The following CWF19L1 variants were observed in gnomAD, a reference collection of about 807,000 sequenced individuals.
CWF19L1 encodes the protein CWF19 like cell cycle control factor 1, also known as CWF19-like protein 1.
Under a neutral mutation model 69.7 loss-of-function variants are expected in CWF19L1, and 60 were observed. The observed-to-expected ratio is 0.86, with a 90% confidence interval of 0.70 to 1.07. The LOEUF (loss-of-function observed/expected upper bound fraction) is 1.07. Among genes scored for constraint, CWF19L1 ranks in the 50% least tolerant of loss-of-function variants. CWF19L1 has a pLI of 0.00. For synonymous variants in CWF19L1, 209 were observed against 222.2 expected (o/e 0.94, Z 0.53); for missense variants, 591 against 638.9 (o/e 0.92, Z 0.81).
intron 11 of CWF19L1, 112 bp from the exon 12 acceptor site, chr10:100,237,081 G>T: frequency 3.1e-6 from 4 of 1,280,822 alleles, no homozygotes; most frequent in Non-Finnish European, 4.4e-6. Context: ...ACACCCCTCA[G>T]CACAGAATAT....
At chr10:100,239,727 AT>A (rs1159187839) in intron 10 of CWF19L1, among the ~76,000 whole-genome samples, 2 of 152,214 alleles carry the variant, frequency 1.3e-5, no homozygotes, top group African/African-American at 4.8e-5. Flanking sequence ...CTCATCTATA[AT>A]AAGAAAGTCC....
chr10:100,267,124 A>ACCCC, intron 1 of CWF19L1, among the ~76,000 whole-genome samples: 1 of 67,224 alleles, frequency 1.5e-5, no homozygotes, highest in South Asian at 5.3e-4. Context: ...TCTCTTCACC[A>ACCCC]CCACCCCCAC....
Position 100,250,326 on chromosome 10 carries a change from A to G in CWF19L1, c.630T>C (p.His210=). ...GCTGTGCATTTTCCTGTAGAATGAT[A>G]TGGTTTCTACAACATATTTGAGAGA... The part of the protein sequence containing the change: ...TYYERLPYRN[H]IILQENAQHA... Residue 210 remains histidine (H), a synonymous_variant, in exon 7 of 14, where the codon CAT becomes CAC. Transcript: ENST00000354105. The G allele has an allele frequency of 6.2e-7, 1 of 1,603,528 alleles. No homozygotes were observed. Among genetic ancestry groups the G allele is most frequent in the Non-Finnish European group, 8.5e-7 (1 of 1,170,754 alleles).
chr10:100,254,371 C>G (rs1433555894), intron 5 of CWF19L1: 3 of 152,166 alleles, frequency 2.0e-5, no homozygotes, highest in Non-Finnish European at 2.9e-5. Context: ...AAGGGCATAA[C>G]CACACCCTTC....
At chr10:100,248,994 C>A in intron 7 of CWF19L1, 1 of 664,230 alleles carries the variant, frequency 1.5e-6, no homozygotes. Context: ...CTGTGGAGGA[C>A]ATCACATTCC....
intron 6 of CWF19L1, among the ~76,000 whole-genome samples, chr10:100,252,538 A>T (rs994558896): frequency 2.6e-5 from 4 of 152,128 alleles, no homozygotes; most frequent in African/African-American, 9.7e-5. Flanking sequence ...AAAAAATAAA[A>T]AAAAATATTT....
intron 4 of CWF19L1, among the ~76,000 whole-genome samples, chr10:100,257,885 T>A (rs910956293): frequency 1.3e-5 from 2 of 152,092 alleles, no homozygotes; most frequent in African/African-American, 4.8e-5. Context: ...CTCAGCTCTA[T>A]TTTTCATCAT....
chr10:100,235,538 C>A, intron 13 of CWF19L1, 129 bp downstream of exon 13: 3 of 624,548 alleles, frequency 4.8e-6, no homozygotes, highest in Non-Finnish European at 5.7e-6. Context: ...TAAACATCTG[C>A]CCTAAGACCA....
At chr10:100,249,966 T>C (rs945759092) in intron 7 of CWF19L1, 3 of 405,164 alleles carry the variant, frequency 7.4e-6, no homozygotes, top group Non-Finnish European at 4.5e-6. Flanking sequence ...CAAATACCCA[T>C]AGAGACAACC....
At chr10:100,249,068 C>T (rs1846931888) in intron 7 of CWF19L1, 3 of 529,684 alleles carry the variant, frequency 5.7e-6, no homozygotes, top group South Asian at 3.8e-5. Context: ...CTCCAGCTGC[C>T]CCTGAGGGGC....
chr10:100,266,835 TTTTG>T (rs1175546346), intron 1 of CWF19L1, among the ~76,000 whole-genome samples: 72 of 138,690 alleles, frequency 5.2e-4, no homozygotes, highest in Non-Finnish European at 8.9e-4. Flanking sequence ...TTGTATTGTT[TTTTG>T]TTTGTTTTGT....
At chr10:100,250,442 A>T in intron 6 of CWF19L1, 110 bp from the exon 7 acceptor site, 2 of 704,280 alleles carry the variant, frequency 2.8e-6, no homozygotes, top group South Asian at 1.6e-5. Flanking sequence ...TCCTCAGTTC[A>T]TCATCGCCAG....
intron 1 of CWF19L1, among the ~76,000 whole-genome samples, chr10:100,264,043 T>A (rs1847489773): frequency 6.6e-6 from 1 of 152,186 alleles, no homozygotes; most frequent in South Asian, 2.1e-4. Context: ...TCCCATAAGA[T>A]TATAATGGAA....
chr10:100,260,152 A>G lies in CWF19L1; in HGVS notation c.289+66T>C, dbSNP rs1847349336. 13 of 1,039,872 alleles carry G rather than the reference A, an allele frequency of 1.3e-5. No homozygotes were observed. The South Asian group carries it at 1.8e-4, about 14-fold the overall frequency. The allele number at this position is 1,039,872 out of a possible 1,614,324, so 64.4% of individuals were successfully genotyped here. On this transcript the variant is annotated intron_variant, in intron 4 of 13. Transcript: ENST00000354105. ...CACTGCACTCCAGCCTGGGTGACAG[A>G]GCAAGACTCCGTCTCAAAAACAAAA...
chr10:100,247,992 T>C (rs1846886675), intron 7 of CWF19L1, among the ~76,000 whole-genome samples: 1 of 151,596 alleles, frequency 6.6e-6, no homozygotes, highest in Admixed American at 6.6e-5. Flanking sequence ...TGGAACAAAG[T>C]TTTTAGATGA....
Position 100,238,140 on chromosome 10 carries a change from G to T in CWF19L1, c.1136C>A (p.Ala379Glu), listed in dbSNP as rs762678900. Residue 379 changes from alanine (A) to glutamate (E), a missense_variant, in exon 11 of 14, where the codon GCA becomes GAA. Coordinates refer to ENST00000354105, the MANE Select transcript of CWF19L1 (RefSeq NM_018294.6). Reference protein sequence around the residue: ...GHYQSVVELSAEVVEEVEKYK... With the variant: ...GHYQSVVELSEEVVEEVEKYK... ...CTTCTCCACCTCTTCTACCACCTCT[G>T]CTGAAAGCTCCACCACTGACTGGTA... 5.6e-6 allele frequency: 9 copies of T among 1,614,094 alleles called. No homozygotes were observed. Among genetic ancestry groups the T allele is most frequent in the Non-Finnish European group, 6.8e-6 (8 of 1,180,014 alleles).
chr10:100,260,333 C>G lies in CWF19L1; in HGVS notation c.188-14G>C, dbSNP rs1406284749. ...TCTGAATAGGAGCTAGTGAGGGAAA[C>G]AGACATGACACCATATAGTTACCAG... On this transcript the variant is annotated splice_polypyrimidine_tract_variant and intron_variant, in intron 3 of 13. Transcript: ENST00000354105. 7.1e-7 allele frequency: 1 copy of G among 1,414,154 alleles called. No homozygotes were observed. Among genetic ancestry groups the G allele is most frequent in the South Asian group, 1.2e-5 (1 of 85,336 alleles). The allele number at this position is 1,414,154 out of a possible 1,614,324, so 87.6% of individuals were successfully genotyped here.
intron 4 of CWF19L1, among the ~76,000 whole-genome samples, chr10:100,259,728 T>A (rs1847331651): frequency 6.6e-6 from 1 of 152,086 alleles, no homozygotes; most frequent in Admixed American, 6.6e-5. Flanking sequence ...AAAGGCATTG[T>A]CCTAAGGGCA....
intron 5 of CWF19L1, among the ~76,000 whole-genome samples, chr10:100,254,994 G>A (rs551430584): frequency 2.0e-5 from 3 of 152,256 alleles, no homozygotes; most frequent in South Asian, 4.1e-4. Context: ...GCAAGGGGTG[G>A]TATACAGGCT....
Sources: gnomAD v4.1 joint callset for allele counts (sites outside exome capture counted in the v4.1 genomes callset) on GRCh38, gnomAD v4.1.1 for gene constraint, MANE v1.5 for transcripts, NCBI Gene and HGNC (gene_info 2026-07-23, HGNC 2026-07-21) for gene names.